ITFG2: variants seen among roughly 807,000 people sequenced by gnomAD.
The protein encoded by ITFG2 is KICSTOR complex protein ITFG2.
A neutral mutation model predicts 54.4 loss-of-function variants in ITFG2; 36 were observed. The observed-to-expected ratio is 0.66, with a 90% CI of 0.51 to 0.87. The LOEUF is 0.87. Among genes scored for constraint, ITFG2 ranks in the 40% least tolerant of loss-of-function variants. ITFG2 has a pLI of 0.00. For synonymous variants in ITFG2, 211 were observed against 225.4 expected, an observed-to-expected ratio of 0.94 and a Z score of 0.57; for missense variants, 524 against 576.7, an observed-to-expected ratio of 0.91 and a Z score of 0.94.
chr12:2,823,488 G>C (rs2097952746), intron 10 of ITFG2, among the ~76,000 whole-genome samples: 1 of 152,226 alleles, frequency 6.6e-6, no homozygotes, highest in Non-Finnish European at 1.5e-5. Flanking sequence ...CATCACTCCA[G>C]GGATATCACT....
rs771270267 is a variant in ITFG2, at chr12:2,855,265, C to T, written n.301-2747C>T. On this transcript the variant is annotated intron_variant and non_coding_transcript_variant, in intron 2 of 3. Coordinates refer to the ITFG2 transcript ENST00000537710. ...CCAGGTGTGCTGGGCGCCACCCTTC[C>T]AAGGGTGGATGAGCCGCTGACGCAC... 18 of 1,513,810 alleles carry T rather than the reference C, an allele frequency of 1.2e-5. No individual in the cohort carries two copies. The South Asian group carries it at 1.9e-4, about 16-fold the overall frequency. 93.8% of individuals were successfully genotyped at this position (1,513,810 alleles called of 1,614,324 possible). A position where few individuals can be genotyped will look rare whatever the true frequency, so the allele number is the denominator to read the frequency against.
At chr12:2,814,538 T>TGTAG (rs2097917042) in intron 1 of ITFG2, among the ~76,000 whole-genome samples, 1 of 152,156 alleles carries the variant, frequency 6.6e-6, no homozygotes. Context: ...CTTAGAACAA[T>TGTAG]GTAGGCACTG....
At chr12:2,826,849 G>A (rs965118158), downstream of ITFG2, 7 of 393,014 alleles carry the variant, frequency 1.8e-5, no homozygotes, top group African/African-American at 1.3e-4. Flanking sequence ...GGTGGTATTG[G>A]GTGATGGACA....
At position 2,820,720 on chromosome 12, in the gene ITFG2, G is replaced by T; in HGVS notation, c.547-4G>T. On this transcript the variant is annotated splice_polypyrimidine_tract_variant and splice_region_variant and intron_variant, in intron 5 of 11. Transcript: ENST00000228799. ...TCTCCCTTTAATCCCATTCCCTGGT[G>T]CAGGTGGACAGCCTCTCAGTGACTC... 6.2e-7 allele frequency: 1 copy of T among 1,612,286 alleles called. No individual in the cohort carries two copies. Among genetic ancestry groups the T allele is most frequent in the Non-Finnish European group, 8.5e-7 (1 of 1,179,520 alleles).
rs1270048974 is a variant in ITFG2, at chr12:2,822,894, T to A, written c.1049T>A (p.Ile350Asn). The change falls in exon 10 of 12, where the codon ATC becomes AAC. Residue 350 changes from isoleucine to asparagine, a missense_variant. Ile to Asn is a moderately radical substitution (Grantham distance 149, BLOSUM62 -3). Transcript: ENST00000228799. ...TVVRFQVDEN[I>N]RAFCAGLYAC... ...GTCCGCTTCCAAGTGGATGAAAATA[T>A]CCGTGCCTTCTGTGCAGGTGACCCC... 6.2e-7 allele frequency: 1 copy of A among 1,614,144 alleles called. No individual in the cohort carries two copies.
downstream of ITFG2, chr12:2,827,115 C>T: frequency 6.3e-7 from 1 of 1,586,014 alleles, no homozygotes; most frequent in Non-Finnish European, 8.6e-7. The surrounding 1 kb of genome is among the most constrained non-coding windows in gnomAD (Gnocchi z 4.0). Context: ...ACACCATAGT[C>T]CCCAGCTACC....
At chr12:2,817,765 A>G (rs1351419272) in intron 2 of ITFG2, 144 bp from the exon 3 acceptor site, 7 of 747,682 alleles carry the variant, frequency 9.4e-6, no homozygotes, top group Non-Finnish European at 1.5e-5. Context: ...CGCCGTTAAT[A>G]AAGACCATCA....
intron 2 of ITFG2, chr12:2,855,503 G>A (rs2098084513): frequency 7.6e-7 from 1 of 1,318,494 alleles, no homozygotes; most frequent in Non-Finnish European, 9.9e-7. Context: ...GTGCAGAAAG[G>A]TGGGTGAGGC....
rs112415177 is a variant in ITFG2 at position 2,842,185 on chromosome 12, G to A, written n.300+1190G>A. Among the ~76,000 whole-genome samples, 104 of 123,706 alleles carry A rather than the reference G, an allele frequency of 8.4e-4. 1 individual carries two copies. Among genetic ancestry groups the A allele is most frequent in the African/African-American group, 3.0e-3 (94 of 31,484 alleles). 81.2% of individuals were successfully genotyped at this position (123,706 alleles called of 152,430 possible). On this transcript the variant is annotated intron_variant and non_coding_transcript_variant, in intron 2 of 3. Transcript: ENST00000537710. Reference sequence around the variant, plus strand: ...TGCCCAGGCTGGAGTGCTGTGGCACGATCTCGGCTCACTGCAACGTCTGCC... The same window carrying A: ...TGCCCAGGCTGGAGTGCTGTGGCACAATCTCGGCTCACTGCAACGTCTGCC...
chr12:2,832,307 C>T (rs2098007235), upstream of ITFG2, among the ~76,000 whole-genome samples: 2 of 152,044 alleles, frequency 1.3e-5, no homozygotes, highest in Admixed American at 1.3e-4. Flanking sequence ...GAAGGTGATC[C>T]ACAGTCCACA....
At chr12:2,814,023 A>C (rs1185507448) in intron 1 of ITFG2, among the ~76,000 whole-genome samples, 1 of 152,206 alleles carries the variant, frequency 6.6e-6, no homozygotes, top group Non-Finnish European at 1.5e-5. Flanking sequence ...AGCTCACTGC[A>C]GCCTTGAACT....
rs775967120 is a variant in ITFG2, at chr12:2,824,267, G to A, written c.*74G>A. On this transcript the variant is annotated 3_prime_UTR_variant, in exon 12 of 12. Transcript: ENST00000228799. ...ACCCCCTAAAGGTATCTGTGGTATT[G>A]GCAGGATAGGGAATATGCATTACAG... is the stretch of plus-strand genomic sequence containing the variant. 1.5e-4 allele frequency: 206 copies of A among 1,420,332 alleles called. No homozygotes were observed. The Middle Eastern group carries it at 2.6e-3, about 18-fold the overall frequency. 88.0% of individuals were successfully genotyped at this position (1,420,332 alleles called of 1,614,324 possible). A position where few individuals can be genotyped will look rare whatever the true frequency, so the allele number is the denominator to read the frequency against.
exon 2 of ITFG2, chr12:2,840,973 C>G (rs2098039664): frequency 6.5e-6 from 1 of 152,766 alleles, no homozygotes; most frequent in South Asian, 2.1e-4. Flanking sequence ...GGAGGAGTGC[C>G]ACAGACACAG....
At chr12:2,827,051 G>A (rs1340791945), downstream of ITFG2, 19 of 1,469,864 alleles carry the variant, frequency 1.3e-5, no homozygotes, top group African/African-American at 1.2e-4. The surrounding 1 kb of genome is among the most constrained non-coding windows in gnomAD (Gnocchi z 4.0). Context: ...AGAGGAATGC[G>A]GCCAGCTGGG....
Position 2,859,081 on chromosome 12 carries a change from G to T in ITFG2, n.621-453G>T, listed in dbSNP as rs1017404133. On this transcript the variant is annotated intron_variant and non_coding_transcript_variant, in intron 3 of 3. Coordinates refer to the ITFG2 transcript ENST00000537710. ...CTCCAGGATTCAGGGGTTCTGGGGA[G>T]GACAGATTTGCTCGGGGTGGAGGAG... is the stretch of plus-strand genomic sequence containing the variant. 1.2e-6 allele frequency: 2 copies of T among 1,607,472 alleles called. No homozygotes were observed. Among genetic ancestry groups the T allele is most frequent in the African/African-American group, 2.7e-5 (2 of 74,852 alleles).
chr12:2,814,996 G>T (rs560390790), intron 1 of ITFG2, among the ~76,000 whole-genome samples: 92 of 149,334 alleles, frequency 6.2e-4, no homozygotes, highest in African/African-American at 2.2e-3. Flanking sequence ...TTTTTGAGAC[G>T]GAGTTTCACT....
At chr12:2,826,884 G>A (rs984152947), downstream of ITFG2, 16 of 817,586 alleles carry the variant, frequency 2.0e-5, 1 homozygote, top group South Asian at 1.1e-4. Context: ...CAGAGCCTTC[G>A]ACCCAGCCCA....
At chr12:2,833,700 T>C (rs913266838), upstream of ITFG2, among the ~76,000 whole-genome samples, 3 of 152,136 alleles carry the variant, frequency 2.0e-5, no homozygotes, top group Admixed American at 6.5e-5. Flanking sequence ...CAGGAATATT[T>C]CTCAGACTAA....
chr12:2,821,916 T>A, intron 9 of ITFG2, 124 bp downstream of exon 9: 7 of 641,084 alleles, frequency 1.1e-5, no homozygotes, highest in Non-Finnish European at 1.8e-5. Flanking sequence ...AGTCTCTGTC[T>A]CTTTTTTTTT....
Sources: allele counts gnomAD v4.1 joint callset (sites outside exome capture counted in the v4.1 genomes callset), GRCh38; gene constraint gnomAD v4.1.1; non-coding constraint Gnocchi (gnomAD v3.1); transcripts MANE v1.5; gene names NCBI Gene and HGNC (gene_info 2026-07-23, HGNC 2026-07-21).